Variants in CSNK1G1 observed in about 807,000 individuals in gnomAD.
The protein encoded by CSNK1G1 is casein kinase 1 gamma 1.
A neutral mutation model predicts 59.6 loss-of-function variants in CSNK1G1; 22 were observed. That is an observed-to-expected ratio of 0.37 (90% CI 0.26 to 0.53). The LOEUF is 0.53. Ranked by LOEUF, CSNK1G1 falls within the 20% of genes least tolerant of loss-of-function variation. The pLI is 0.89. For missense variants in CSNK1G1, 384 were observed against 519.5 expected, an observed-to-expected ratio of 0.74 and a Z score of 2.54; for synonymous variants, 179 against 177.1, an observed-to-expected ratio of 1.01 and a Z score of -0.08.
chr15:64,267,027 GGGT>G lies in CSNK1G1; in HGVS notation c.182-7789_182-7787del, dbSNP rs142092700. ...ATCCTAGCATTTGGGAGGCCGAGGT[GGGT>G]GGATCACTTGAGGACAGGAGTTCAA... On this transcript the variant is annotated intron_variant, in intron 2 of 11. Transcript: ENST00000303052. Among the ~76,000 whole-genome samples the G allele has an allele frequency of 8.5e-3, 1,296 of 152,214 alleles. 16 individuals carry two copies. The highest frequency in any genetic ancestry group is 0.027 in the Middle Eastern group (8 of 294).
At chr15:64,253,866 G>A (rs966387184) in intron 3 of CSNK1G1, among the ~76,000 whole-genome samples, 2 of 152,142 alleles carry the variant, frequency 1.3e-5, no homozygotes, top group Non-Finnish European at 2.9e-5. Flanking sequence ...GTAGCCAGGC[G>A]CGGTGGCTCA....
Position 64,181,578 on chromosome 15 carries a change from C to T in CSNK1G1, c.1108-1124G>A, listed in dbSNP as rs1035277944. 8.8e-6 allele frequency: 7 copies of T among 793,984 alleles called. No individual in the cohort carries two copies. In the Admixed American group the frequency reaches 1.0e-4, roughly 12 times the overall value. The allele number at this position is 793,984 out of a possible 1,614,324, so 49.2% of individuals were successfully genotyped here. ...TGTATGAGACTGTCTAGTATAATAC[C>T]TAGCATAAATAAGGGAAGCAGCATA... On this transcript the variant is annotated intron_variant, in intron 10 of 11. Coordinates refer to ENST00000303052, the MANE Select transcript of CSNK1G1 (RefSeq NM_022048.5).
At chr15:64,267,509 T>C (rs1461390346) in intron 2 of CSNK1G1, among the ~76,000 whole-genome samples, 5 of 151,884 alleles carry the variant, frequency 3.3e-5, no homozygotes, top group Admixed American at 6.6e-5. Flanking sequence ...AAAACCAAAA[T>C]GGACATTTCT....
At chr15:64,317,405 A>AT in intron 1 of CSNK1G1, among the ~76,000 whole-genome samples, 1 of 151,364 alleles carries the variant, frequency 6.6e-6, no homozygotes, top group South Asian at 2.1e-4. Flanking sequence ...TTTCTATAGA[A>AT]TTTTTGTAGA....
At chr15:64,206,235 T>C (rs568251135) in intron 7 of CSNK1G1, among the ~76,000 whole-genome samples, 1 of 149,758 alleles carries the variant, frequency 6.7e-6, no homozygotes, top group East Asian at 2.0e-4. Flanking sequence ...AGGTCAGGAG[T>C]TTGAGACCAG....
At chr15:64,270,522 G>A (rs370302763) in intron 2 of CSNK1G1, among the ~76,000 whole-genome samples, 1 of 152,118 alleles carries the variant, frequency 6.6e-6, no homozygotes, top group Non-Finnish European at 1.5e-5. Flanking sequence ...CACTTTGGGA[G>A]GCCGAGATGG....
At chr15:64,307,165 T>C (rs1293734224) in intron 1 of CSNK1G1, among the ~76,000 whole-genome samples, 1 of 152,086 alleles carries the variant, frequency 6.6e-6, no homozygotes, top group Non-Finnish European at 1.5e-5. Context: ...AACGTGTCAA[T>C]ATTGGTTCGT....
chr15:64,289,087 C>T (rs1010161965), intron 2 of CSNK1G1, among the ~76,000 whole-genome samples: 18 of 150,840 alleles, frequency 1.2e-4, no homozygotes, highest in Admixed American at 1.0e-3. Flanking sequence ...AGGCAAGGCA[C>T]GAGAATCACT....
At chr15:64,196,983 A>G (rs558857439) in intron 10 of CSNK1G1, among the ~76,000 whole-genome samples, 11 of 152,322 alleles carry the variant, frequency 7.2e-5, no homozygotes, top group Non-Finnish European at 1.3e-4. Flanking sequence ...TGCACCCTTC[A>G]TTTGGCAGAT....
chr15:64,269,518 G>A (rs1208634964), intron 2 of CSNK1G1, among the ~76,000 whole-genome samples: 4 of 148,240 alleles, frequency 2.7e-5, no homozygotes, highest in African/African-American at 1.0e-4. Context: ...TTTTGAGACG[G>A]AGTCTTGCTC....
chr15:64,346,104 G>T (rs12912798), intron 1 of CSNK1G1, among the ~76,000 whole-genome samples: 1 of 151,748 alleles, frequency 6.6e-6, no homozygotes, highest in Non-Finnish European at 1.5e-5. Flanking sequence ...TAAACCAATT[G>T]GTCACGACTG....
At position 64,166,735 on chromosome 15, in the gene CSNK1G1, T is replaced by C. The variant is rs916144779; in HGVS notation, c.*5196A>G. 15 of 152,616 alleles carry C rather than the reference T, an allele frequency of 9.8e-5. No homozygotes were observed. The highest frequency in any genetic ancestry group is 3.6e-4 in the African/African-American group (15 of 41,438). 9.5% of individuals were successfully genotyped at this position (152,616 alleles called of 1,614,324 possible). On this transcript the variant is annotated 3_prime_UTR_variant, in exon 12 of 12. Coordinates refer to ENST00000303052, the MANE Select transcript of CSNK1G1 (RefSeq NM_022048.5). This position sits in a 1 kb window ranked among gnomAD's most constrained non-coding sequence, Gnocchi z 4.5. ...CTGGAGCTCATGAACTGAAAATGTC[T>C]CACCTGTACTGAAAGAGGGGTGGGT...
In CSNK1G1 at chr15:64,288,562, A is replaced by G. The variant is rs114127503; in HGVS notation, c.181+11757T>C. ...ATACTTTATAAAGTTATATATATAT[A>G]TGTGTGTATGTGTGTGTGTGTTTGT... On this transcript the variant is annotated intron_variant, in intron 2 of 11. Transcript: ENST00000303052. 3.5e-3 allele frequency among the ~76,000 whole-genome samples: 531 copies of G among 150,464 alleles called. 1 individual carries two copies. The highest frequency in any genetic ancestry group is 0.011 in the African/African-American group (450 of 41,336).
Position 64,168,743 on chromosome 15 carries a change from A to T in CSNK1G1, c.*3188T>A, listed in dbSNP as rs1456861359. 6.6e-6 allele frequency: 1 copy of T among 152,208 alleles called. No homozygotes were observed. The highest frequency in any genetic ancestry group is 6.5e-5 in the Admixed American group (1 of 15,286). 9.4% of individuals were successfully genotyped at this position (152,208 alleles called of 1,614,324 possible). On this transcript the variant is annotated 3_prime_UTR_variant, in exon 12 of 12. Coordinates refer to ENST00000303052, the MANE Select transcript of CSNK1G1 (RefSeq NM_022048.5). ...ATCTGGCTGAGGCATACAGCTAAGGAACTGTAGCAGTAGGGTTGAGGAGGG... is the reference window on the plus strand; with the variant it reads ...ATCTGGCTGAGGCATACAGCTAAGGTACTGTAGCAGTAGGGTTGAGGAGGG...
intron 1 of CSNK1G1, among the ~76,000 whole-genome samples, chr15:64,330,033 A>G (rs1216362471): frequency 6.7e-6 from 1 of 149,626 alleles, no homozygotes; most frequent in African/African-American, 2.5e-5. Flanking sequence ...GCAATAATCA[A>G]TAGTTTACCA....
chr15:64,248,400 C>T (rs951069672), intron 4 of CSNK1G1, among the ~76,000 whole-genome samples: 5 of 152,002 alleles, frequency 3.3e-5, no homozygotes, highest in African/African-American at 1.2e-4. Flanking sequence ...TCTAAAAAGG[C>T]AAGCTTATTA....
At position 64,229,902 on chromosome 15, in the gene CSNK1G1, A is replaced by ATTTTTTTTTTTTTTTTTTTTTTTTTT. The variant is rs533868270; in HGVS notation, c.293-13215_293-13190dup. On this transcript the variant is annotated intron_variant, in intron 4 of 11. Transcript: ENST00000303052. Reference sequence around the variant, plus strand: ...CCTATATTTTTGGGCATGTTTGTAAATTTTTTTTTTTTTTTTTTTTTTTTT... The same window carrying ATTTTTTTTTTTTTTTTTTTTTTTTTT: ...CCTATATTTTTGGGCATGTTTGTAAATTTTTTTTTTTTTTTTTTTTTTTTTTTTTTTTTTTTTTTTTTTTTTTTTTT... Among the ~76,000 whole-genome samples the ATTTTTTTTTTTTTTTTTTTTTTTTTT allele has an allele frequency of 9.1e-5, 4 of 43,806 alleles. 1 individual carries two copies. Among genetic ancestry groups the ATTTTTTTTTTTTTTTTTTTTTTTTTT allele is most frequent in the Non-Finnish European group, 1.6e-4 (4 of 24,790 alleles). The allele number at this position is 43,806 out of a possible 152,430, so 28.7% of individuals were successfully genotyped here.
rs182143583 is a variant in CSNK1G1, at chr15:64,299,110, C to T, written c.181+1209G>A. Among the ~76,000 whole-genome samples, 35 of 152,186 alleles carry T rather than the reference C, an allele frequency of 2.3e-4. No homozygotes were observed. The East Asian group carries it at 6.6e-3, about 29-fold the overall frequency. ...GTTCCCACCCTCCCACCACTCCCCCCAAAGGGCCAAAGTTTCTTACAATGA... is the reference window on the plus strand; with the variant it reads ...GTTCCCACCCTCCCACCACTCCCCCTAAAGGGCCAAAGTTTCTTACAATGA... On this transcript the variant is annotated intron_variant, in intron 2 of 11. Coordinates refer to ENST00000303052, the MANE Select transcript of CSNK1G1 (RefSeq NM_022048.5).
In CSNK1G1 at chr15:64,335,137, G is replaced by A. The variant is rs1419269833; in HGVS notation, c.-225+20851C>T. On this transcript the variant is annotated intron_variant, in intron 1 of 11. Coordinates refer to ENST00000303052, the MANE Select transcript of CSNK1G1 (RefSeq NM_022048.5). ...TTCAGAACACATCCTGTGTGAGAAG[G>A]GTAGCCTAATACATGCTTTTAGGAA... 1.4e-4 allele frequency among the ~76,000 whole-genome samples: 21 copies of A among 152,124 alleles called. 1 individual carries two copies. Among genetic ancestry groups the A allele is most frequent in the Admixed American group, 1.4e-3 (21 of 15,272 alleles).
Sources: allele counts gnomAD v4.1 joint callset (sites outside exome capture counted in the v4.1 genomes callset), GRCh38; gene constraint gnomAD v4.1.1; non-coding constraint Gnocchi (gnomAD v3.1); transcripts MANE v1.5; gene names NCBI Gene and HGNC (gene_info 2026-07-23, HGNC 2026-07-21).